TNIP1: variants seen among roughly 807,000 people sequenced by gnomAD.
The protein encoded by TNIP1 is TNFAIP3 interacting protein 1.
A neutral mutation model predicts 86.6 loss-of-function variants in TNIP1; 22 were observed. The ratio of observed to expected loss-of-function variants is 0.25; its 90% CI spans 0.18 to 0.36. The LOEUF is 0.36. TNIP1 is among the 10% of genes least tolerant of loss of function. The pLI is 1.00. For synonymous variants in TNIP1, 294 were observed against 313.0 expected (o/e 0.94, Z 0.64); for missense variants, 709 against 820.6 (o/e 0.86, Z 1.66).
At chr5:151,064,913 G>A in intron 2 of TNIP1, 47 bp downstream of exon 2, 1 of 1,611,910 alleles carries the variant, frequency 6.2e-7, no homozygotes, top group Non-Finnish European at 8.5e-7. Context: ...TGGCATCACA[G>A]TCTGCAGGGA....
chr5:151,084,866 G>A (rs1033345793), upstream of TNIP1, among the ~76,000 whole-genome samples: 1 of 152,194 alleles, frequency 6.6e-6, no homozygotes, highest in Non-Finnish European at 1.5e-5. Flanking sequence ...GTTAAAGAGA[G>A]ATTTTGGTGA....
intron 1 of TNIP1, among the ~76,000 whole-genome samples, chr5:151,074,112 G>A (rs1763118251): frequency 1.3e-5 from 2 of 152,186 alleles, no homozygotes; most frequent in South Asian, 4.1e-4. Context: ...GACAGAGGAA[G>A]GGGAAAGGAA....
At chr5:151,081,585 G>A (rs1415336938), upstream of TNIP1, among the ~76,000 whole-genome samples, 1 of 152,228 alleles carries the variant, frequency 6.6e-6, no homozygotes, top group Non-Finnish European at 1.5e-5. Context: ...CATTGTAAAG[G>A]ATTCCCAGAC....
chr5:151,076,796 C>T (rs1394583961), intron 1 of TNIP1, among the ~76,000 whole-genome samples: 5 of 152,170 alleles, frequency 3.3e-5, no homozygotes, highest in East Asian at 1.9e-4. Context: ...AGGTGGAAAG[C>T]GCCCTGATCC....
chr5:151,045,754 A>G, intron 9 of TNIP1, 107 bp downstream of exon 9: 1 of 1,121,704 alleles, frequency 8.9e-7, no homozygotes, highest in Non-Finnish European at 1.3e-6. Context: ...CCAACTCCTC[A>G]TGGTGACCTG....
intron 5 of TNIP1, among the ~76,000 whole-genome samples, chr5:151,059,854 TGTGTGTGTGTGTGCGCGCGCGCGC>T (rs1257417153): frequency 0.013 from 1,278 of 99,962 alleles, 15 homozygotes; most frequent in South Asian, 0.048. Flanking sequence ...TGTGTGTGTG[TGTGTGTGTGTGTGCGCGCGCGCGC>T]GCGCATGCGT....
At chr5:151,058,309 G>A (rs1235301723) in intron 5 of TNIP1, among the ~76,000 whole-genome samples, 1 of 152,230 alleles carries the variant, frequency 6.6e-6, no homozygotes, top group Non-Finnish European at 1.5e-5. Context: ...CACAGCTTTA[G>A]CTATTTCAGA....
In TNIP1 at chr5:151,036,862, C is replaced by T; in HGVS notation, c.1323G>A (p.Gly441=). 6.2e-7 allele frequency: 1 copy of T among 1,613,520 alleles called. No individual in the cohort carries two copies. The highest frequency in any genetic ancestry group is 8.5e-7 in the Non-Finnish European group (1 of 1,179,700). The change falls in exon 13 of 18, where the codon GGG becomes GGA. Residue 441 remains glycine, a synonymous_variant. Transcript: ENST00000521591. ...GGAGGGCCCCTGCTCCTTCTGGGCTCCCAAATGCTGTTGGTGGAGATGATG... is the reference window on the plus strand; with the variant it reads ...GGAGGGCCCCTGCTCCTTCTGGGCTTCCAAATGCTGTTGGTGGAGATGATG... The part of the protein sequence containing the change: ...TPPSSPPTAF[G]SPEGAGALLR...
chr5:151,038,641 G>A (rs758298573), intron 12 of TNIP1, among the ~76,000 whole-genome samples: 10 of 152,238 alleles, frequency 6.6e-5, no homozygotes, highest in South Asian at 2.1e-4. Flanking sequence ...GATGCCAGGC[G>A]CTGTACAAGG....
At chr5:151,061,383 G>A (rs1350705241) in intron 4 of TNIP1, among the ~76,000 whole-genome samples, 2 of 151,982 alleles carry the variant, frequency 1.3e-5, no homozygotes, top group African/African-American at 2.4e-5. Context: ...CTCAGAACAG[G>A]TCCTTCTTTC....
In TNIP1 at chr5:151,030,450, T is replaced by C. The variant is rs542517397; in HGVS notation, c.*263A>G. 2.1e-4 allele frequency: 119 copies of C among 567,130 alleles called. No homozygotes were observed. The highest frequency in any genetic ancestry group is 4.8e-4 in the Middle Eastern group (1 of 2,076). 35.1% of individuals were successfully genotyped at this position (567,130 alleles called of 1,614,324 possible). On this transcript the variant is annotated 3_prime_UTR_variant, in exon 18 of 18. Coordinates refer to ENST00000521591, the MANE Select transcript of TNIP1 (RefSeq NM_006058.5). ...CAACGGATGGTGGGTCAAAGCCGGA[T>C]GAGGCCTCTCTCCACTCAGCAGCAG...
chr5:151,053,462 G>T (rs1304991088), intron 6 of TNIP1, among the ~76,000 whole-genome samples: 1 of 152,204 alleles, frequency 6.6e-6, no homozygotes, highest in Non-Finnish European at 1.5e-5. Flanking sequence ...GAGAGGGACA[G>T]ATGAGACAGT....
intron 17 of TNIP1, among the ~76,000 whole-genome samples, chr5:151,031,447 A>G (rs149983422): frequency 4.3e-4 from 66 of 152,266 alleles, no homozygotes; most frequent in Non-Finnish European, 7.5e-4. Flanking sequence ...CTCTACAGGG[A>G]GCAATGGCAG....
intron 8 of TNIP1, among the ~76,000 whole-genome samples, 188 bp downstream of exon 8, chr5:151,049,636 A>T (rs1440145278): frequency 6.6e-6 from 1 of 152,250 alleles, no homozygotes; most frequent in Non-Finnish European, 1.5e-5. Flanking sequence ...CCATGAAGCC[A>T]CAGTGACTAC....
At chr5:151,055,228 G>GA (rs201594563) in intron 6 of TNIP1, among the ~76,000 whole-genome samples, 1 of 150,364 alleles carries the variant, frequency 6.7e-6, no homozygotes, top group African/African-American at 2.4e-5. Context: ...GAGAGTATAA[G>GA]AAAAAAAAGA....
At chr5:151,053,506 T>C (rs917560638) in intron 6 of TNIP1, among the ~76,000 whole-genome samples, 2 of 152,206 alleles carry the variant, frequency 1.3e-5, no homozygotes, top group South Asian at 2.1e-4. Context: ...ATCAGTCACT[T>C]GCTTATGTGC....
At chr5:151,059,816 AGAGAGAGAGAGAGTGT>A (rs1425475582) in intron 5 of TNIP1, among the ~76,000 whole-genome samples, 21 of 108,168 alleles carry the variant, frequency 1.9e-4, no homozygotes, top group African/African-American at 8.8e-4. Flanking sequence ...AGAGAGAGAG[AGAGAGAGAGAGAGTGT>A]GTGTGTGTGT....
At chr5:151,039,573 G>A (rs772280506) in intron 11 of TNIP1, among the ~76,000 whole-genome samples, 56 of 152,122 alleles carry the variant, frequency 3.7e-4, no homozygotes, top group African/African-American at 1.3e-3. Flanking sequence ...GGTTCCTAAC[G>A]TGAGTCACAC....
At chr5:151,047,388 A>G (rs1040871105) in intron 8 of TNIP1, among the ~76,000 whole-genome samples, 5 of 152,234 alleles carry the variant, frequency 3.3e-5, no homozygotes, top group Non-Finnish European at 5.9e-5. Context: ...TTTCAAGGTC[A>G]TGAAAAGCAA....
Sources: allele counts gnomAD v4.1 joint callset (sites outside exome capture counted in the v4.1 genomes callset), GRCh38; gene constraint gnomAD v4.1.1; transcripts MANE v1.5; gene names NCBI Gene and HGNC (gene_info 2026-07-23, HGNC 2026-07-21).